The following STRIP1 variants were observed in gnomAD, a reference collection of about 807,000 sequenced individuals.
STRIP1 encodes the protein striatin-interacting protein 1.
A neutral mutation model predicts 106.2 loss-of-function variants in STRIP1; 63 were observed. The ratio of observed to expected loss-of-function variants is 0.59; its 90% CI spans 0.48 to 0.73. STRIP1 has a LOEUF of 0.73. STRIP1 is among the 30% of genes least tolerant of loss of function. The pLI is 0.00. For missense variants in STRIP1, 857 were observed against 1,074.8 expected, an observed-to-expected ratio of 0.80 and a Z score of 2.83; for synonymous variants, 390 against 413.0, an observed-to-expected ratio of 0.94 and a Z score of 0.67.
intron 19 of STRIP1, 132 bp downstream of exon 19, chr1:110,051,192 T>A: frequency 1.5e-6 from 1 of 650,556 alleles, no homozygotes; most frequent in Non-Finnish European, 2.8e-6. Flanking sequence ...CCTTGCATTT[T>A]AAGGGCCAAT....
chr1:110,050,299 G>A (rs1653232645), intron 17 of STRIP1, 44 bp from the exon 18 acceptor site: 2 of 1,600,952 alleles, frequency 1.2e-6, no homozygotes, highest in Non-Finnish European at 1.7e-6. Context: ...CCAGGCCCTG[G>A]GCCTTTGCTC....
chr1:110,042,134 G>T (rs970459512), intron 8 of STRIP1, among the ~76,000 whole-genome samples: 2 of 152,182 alleles, frequency 1.3e-5, no homozygotes, highest in African/African-American at 2.4e-5. Flanking sequence ...CCCCAGACAA[G>T]TTGCCTCTCA....
intron 10 of STRIP1, 81 bp downstream of exon 10, chr1:110,043,937 A>C (rs985487818): frequency 6.1e-6 from 8 of 1,312,072 alleles, no homozygotes; most frequent in Admixed American, 1.8e-5. Flanking sequence ...GGCCTGTGTC[A>C]CCATGTGTGG....
chr1:110,036,218 C>G (rs1652445421), intron 1 of STRIP1, among the ~76,000 whole-genome samples: 1 of 152,098 alleles, frequency 6.6e-6, no homozygotes, highest in Non-Finnish European at 1.5e-5. Context: ...TTGGGGAGGC[C>G]GAGGCGGGCG....
intron 8 of STRIP1, 81 bp downstream of exon 8, chr1:110,041,942 T>C (rs920109006): frequency 2.1e-6 from 3 of 1,429,922 alleles, no homozygotes; most frequent in Non-Finnish European, 1.9e-6. Context: ...CTTTTGAATA[T>C]TGAATTATGT....
At position 110,041,777 on chromosome 1, in the gene STRIP1, T is replaced by C. The variant is rs143991617; in HGVS notation, c.801T>C (p.Phe267=). 34 of 1,614,068 alleles carry C rather than the reference T, an allele frequency of 2.1e-5. No homozygotes were observed. The highest frequency in any genetic ancestry group is 2.4e-5 in the Non-Finnish European group (28 of 1,180,034). Residue 267 remains phenylalanine, a synonymous_variant, in exon 8 of 21, where the codon TTT becomes TTC. Coordinates refer to ENST00000369795, the MANE Select transcript of STRIP1 (RefSeq NM_033088.4). ...ATGAGCCATTTGCCATCATGCTGTT[T>C]GGGATGGTGACCAAATTTTGCAGTG... ...YNNEPFAIML[F]GMVTKFCSGH... is the part of the protein sequence containing the mutation.
chr1:110,050,810 G>A (rs543915425), intron 18 of STRIP1, 146 bp from the exon 19 acceptor site: 12 of 617,884 alleles, frequency 1.9e-5, no homozygotes, highest in East Asian at 1.6e-4. Context: ...CTTCTGGGAT[G>A]GAGTCCTGGG....
At chr1:110,047,959 G>A in intron 15 of STRIP1, 90 bp downstream of exon 15, 3 of 1,118,090 alleles carry the variant, frequency 2.7e-6, no homozygotes, top group Non-Finnish European at 4.0e-6. Flanking sequence ...GTTGTTGTTG[G>A]CCCAGCTCTA....
intron 16 of STRIP1, 86 bp downstream of exon 16, chr1:110,049,324 C>G: frequency 6.3e-7 from 1 of 1,596,076 alleles, no homozygotes; most frequent in Non-Finnish European, 8.6e-7. Context: ...GGGGCCTTGG[C>G]CTTTGACCCA....
At chr1:110,047,512 G>T in intron 13 of STRIP1, 30 bp from the exon 14 acceptor site, 1 of 1,585,192 alleles carries the variant, frequency 6.3e-7, no homozygotes, top group Non-Finnish European at 8.6e-7. Flanking sequence ...CTGGGCTGGG[G>T]TTTTATGCTT....
At chr1:110,050,287 C>T in intron 17 of STRIP1, 56 bp from the exon 18 acceptor site, 1 of 1,576,330 alleles carries the variant, frequency 6.3e-7, no homozygotes, top group Non-Finnish European at 8.7e-7. Context: ...ACGGCTGCTC[C>T]ACCAGGCCCT....
At chr1:110,051,658 G>A (rs377699212) in intron 19 of STRIP1, 25 bp from the exon 20 acceptor site, 3 of 1,573,710 alleles carry the variant, frequency 1.9e-6, no homozygotes, top group African/African-American at 2.7e-5. Flanking sequence ...TTCAACTTGG[G>A]CTGCTTGCTT....
chr1:110,049,623 A>AT, intron 17 of STRIP1, 63 bp downstream of exon 17: 1 of 1,200,076 alleles, frequency 8.3e-7, no homozygotes, highest in Non-Finnish European at 1.2e-6. Context: ...CCCAGCTGGT[A>AT]TTTCCCACTG....
In STRIP1 at chr1:110,050,330, C is replaced by G; in HGVS notation, c.1890-13C>G. The G allele has an allele frequency of 1.2e-6, 2 of 1,614,070 alleles. No individual in the cohort carries two copies. Among genetic ancestry groups the G allele is most frequent in the Non-Finnish European group, 1.7e-6 (2 of 1,179,928 alleles). ...TGCTCATGGTGGGCATCTGGTTCCT[C>G]TCCCCTCTGCAGCATTTCTGTCCTG... On this transcript the variant is annotated splice_polypyrimidine_tract_variant and intron_variant, in intron 17 of 20. Transcript: ENST00000369795.
intron 3 of STRIP1, 164 bp from the exon 4 acceptor site, chr1:110,039,008 T>G: frequency 1.1e-6 from 1 of 873,962 alleles, no homozygotes; most frequent in Non-Finnish European, 1.7e-6. Flanking sequence ...AGCGTTTCAG[T>G]TTGGAATCAA....
At position 110,043,844 on chromosome 1, in the gene STRIP1, C is replaced by T. The variant is rs751602765; in HGVS notation, c.1274C>T (p.Ala425Val). ...RLTCPKGLPW[A>V]PKVREKDIEM... is the part of the protein sequence containing the mutation. ...ACTTGCCCCAAAGGGCTCCCGTGGG[C>T]TCCCAAGGTCAGGTGAGTCTCAGAC... The change falls in exon 10 of 21, where the codon GCT (alanine) becomes GTT (valine). Residue 425 changes from alanine to valine, a missense_variant. This residue lies in a region of STRIP1 where 750 missense variants were observed against 989.8 expected (regional missense o/e 0.76). Transcript: ENST00000369795. 1 of 1,613,928 alleles carries T rather than the reference C, an allele frequency of 6.2e-7. No individual in the cohort carries two copies. The highest frequency in any genetic ancestry group is 8.5e-7 in the Non-Finnish European group (1 of 1,180,006).
chr1:110,040,429 G>A (rs192835187), intron 5 of STRIP1, among the ~76,000 whole-genome samples: 3 of 152,286 alleles, frequency 2.0e-5, no homozygotes, highest in Non-Finnish European at 4.4e-5. Flanking sequence ...TGATCCACCC[G>A]CCTCGGCCTC....
intron 16 of STRIP1, 29 bp from the exon 17 acceptor site, chr1:110,049,426 CTTTTT>C (rs529172763): frequency 4.1e-4 from 535 of 1,317,642 alleles, no homozygotes; most frequent in Non-Finnish European, 4.7e-4. Context: ...AGGGCCGCGC[CTTTTT>C]TTTTTTTTTT....
chr1:110,041,710 C>T, intron 7 of STRIP1, 24 bp from the exon 8 acceptor site: 1 of 1,614,114 alleles, frequency 6.2e-7, no homozygotes, highest in South Asian at 1.1e-5. Flanking sequence ...TGGGAGGGTC[C>T]TGATACCTTT....
Sources: gnomAD v4.1 joint callset for allele counts (sites outside exome capture counted in the v4.1 genomes callset) on GRCh38, gnomAD v4.1.1 for gene constraint, gnomAD v4.1.1 regional missense constraint, MANE v1.5 for transcripts, NCBI Gene and HGNC (gene_info 2026-07-23, HGNC 2026-07-21) for gene names.